DAB1: variants seen among roughly 807,000 people sequenced by gnomAD.
DAB1 encodes DAB adaptor protein 1, also known as disabled homolog 1.
DAB1 carries 15 observed loss-of-function variants against 64.6 expected under a neutral mutation model. The observed-to-expected ratio is 0.23, with a 90% CI of 0.16 to 0.36. DAB1 has a LOEUF of 0.36. Ranked by LOEUF, DAB1 falls within the 10% of genes least tolerant of loss-of-function variation. DAB1 has a pLI of 1.00. For missense variants in DAB1, 596 were observed against 706.7 expected (o/e 0.84, Z 1.78); for synonymous variants, 235 against 251.9 (o/e 0.93, Z 0.64).
At chr1:58,506,589 T>C (rs1423827809) in intron 2 of DAB1, among the ~76,000 whole-genome samples, 1 of 152,192 alleles carries the variant, frequency 6.6e-6, no homozygotes, top group Non-Finnish European at 1.5e-5. Context: ...ATAACCCTGC[T>C]AACCAAAGAT....
intron 4 of DAB1, among the ~76,000 whole-genome samples, chr1:57,118,822 T>C (rs1656378735): frequency 1.3e-5 from 2 of 152,226 alleles, no homozygotes; most frequent in Admixed American, 1.3e-4. Context: ...TTTTACACTA[T>C]AACTGTTTCC....
At chr1:57,258,328 G>A (rs927841892) in intron 2 of DAB1, among the ~76,000 whole-genome samples, 3 of 152,140 alleles carry the variant, frequency 2.0e-5, no homozygotes, top group East Asian at 1.9e-4. Context: ...TATGAACCCA[G>A]TAATTCCTGA....
chr1:57,923,481 C>A (rs889786360), intron 5 of DAB1, among the ~76,000 whole-genome samples: 3 of 152,132 alleles, frequency 2.0e-5, no homozygotes, highest in Non-Finnish European at 4.4e-5. Context: ...GGGTTGTAGT[C>A]CTGTATCTAT....
intron 5 of DAB1, among the ~76,000 whole-genome samples, chr1:58,142,390 T>A (rs994507252): frequency 7.9e-5 from 12 of 152,230 alleles, no homozygotes; most frequent in Non-Finnish European, 1.5e-5. Flanking sequence ...AATTCCATTT[T>A]TAATTTCTTT....
rs369866038 is a variant in DAB1, at chr1:57,367,108, TA to T, written c.-137+56821del. 7.3e-4 allele frequency among the ~76,000 whole-genome samples: 70 copies of T among 95,962 alleles called. 1 individual carries two copies. The highest frequency in any genetic ancestry group is 3.7e-3 in the African/African-American group (67 of 17,966). The allele number at this position is 95,962 out of a possible 152,430, so 63.0% of individuals were successfully genotyped here. Reference sequence around the variant, plus strand: ...TAAAATAAAATAAAATAAAATAAAATAAAATAAAATAAATAAATTAGCCAGG... The same window carrying T: ...TAAAATAAAATAAAATAAAATAAAATAAATAAAATAAATAAATTAGCCAGG... On this transcript the variant is annotated intron_variant, in intron 1 of 14. Coordinates refer to ENST00000371236, the MANE Select transcript of DAB1 (RefSeq NM_001365792.1).
chr1:57,678,202 C>T (rs1482746530), intron 6 of DAB1, among the ~76,000 whole-genome samples: 1 of 151,924 alleles, frequency 6.6e-6, no homozygotes, highest in African/African-American at 2.4e-5. Context: ...ATATGGGCAA[C>T]ATTTACTACC....
At chr1:57,378,083 G>A (rs2100960038) in intron 1 of DAB1, among the ~76,000 whole-genome samples, 1 of 152,310 alleles carries the variant, frequency 6.6e-6, no homozygotes, top group Non-Finnish European at 1.5e-5. Flanking sequence ...AGAGGCCAGA[G>A]GGCAGGGATG....
At chr1:58,489,844 T>G (rs182656100) in intron 3 of DAB1, among the ~76,000 whole-genome samples, 7,361 of 152,232 alleles carry the variant, frequency 0.048, 225 homozygotes, top group African/African-American at 0.064. Flanking sequence ...TCTGGAGTGG[T>G]CCTCCAGCAA....
chr1:58,086,595 G>T (rs112800005), intron 5 of DAB1, among the ~76,000 whole-genome samples: 35 of 152,016 alleles, frequency 2.3e-4, no homozygotes, highest in Non-Finnish European at 4.6e-4. Context: ...GAGCTTTTAA[G>T]ATTCTAACCC....
At chr1:57,981,089 G>A (rs1646055419) in intron 5 of DAB1, among the ~76,000 whole-genome samples, 1 of 151,962 alleles carries the variant, frequency 6.6e-6, no homozygotes, top group African/African-American at 2.4e-5. Flanking sequence ...GAGTCAGAGA[G>A]AACAAACCTA....
chr1:57,605,495 T>G (rs897593727), intron 7 of DAB1, among the ~76,000 whole-genome samples: 10 of 152,202 alleles, frequency 6.6e-5, no homozygotes, highest in Non-Finnish European at 1.0e-4. Context: ...ACAGCAGTGT[T>G]TCAAGGGTTG....
At chr1:57,714,595 C>A (rs191665409) in intron 6 of DAB1, among the ~76,000 whole-genome samples, 1 of 152,226 alleles carries the variant, frequency 6.6e-6, no homozygotes, top group African/African-American at 2.4e-5. Context: ...AAATGGAACA[C>A]CATATTTGTT....
intron 6 of DAB1, among the ~76,000 whole-genome samples, chr1:57,677,865 G>A (rs1646586223): frequency 6.6e-6 from 1 of 152,188 alleles, no homozygotes; most frequent in South Asian, 2.1e-4. Context: ...TCATAGTTGA[G>A]TAGAAGTAAA....
At chr1:58,201,539 G>A (rs1657994934) in intron 4 of DAB1, among the ~76,000 whole-genome samples, 1 of 152,190 alleles carries the variant, frequency 6.6e-6, no homozygotes, top group African/African-American at 2.4e-5. Context: ...GTTGACAAAT[G>A]TACACTTAAA....
chr1:58,261,214 A>G (rs1661040347), intron 4 of DAB1, among the ~76,000 whole-genome samples: 1 of 152,188 alleles, frequency 6.6e-6, no homozygotes, highest in African/African-American at 2.4e-5. Flanking sequence ...ACCCCAAATA[A>G]ATAGCATTTT....
At chr1:57,314,448 G>GGATT (rs113100857) in intron 1 of DAB1, among the ~76,000 whole-genome samples, 2,518 of 152,218 alleles carry the variant, frequency 0.017, 78 homozygotes, top group African/African-American at 0.057. Context: ...TTTCATCAGA[G>GGATT]GATTGGCAGG....
intron 6 of DAB1, among the ~76,000 whole-genome samples, chr1:57,728,509 G>T (rs1483587902): frequency 6.6e-6 from 1 of 151,938 alleles, no homozygotes; most frequent in Non-Finnish European, 1.5e-5. Flanking sequence ...CAGGAGAATG[G>T]CGTGAACCCG....
At chr1:57,465,096 G>A (rs1686911346) in intron 7 of DAB1, among the ~76,000 whole-genome samples, 1 of 152,154 alleles carries the variant, frequency 6.6e-6, no homozygotes, top group Middle Eastern at 3.2e-3. Context: ...ATACAGATAG[G>A]CTTCCTGTCC....
intron 5 of DAB1, among the ~76,000 whole-genome samples, chr1:57,890,456 C>CTTTTTTTTTTTTTT (rs71246207): frequency 1.0e-4 from 14 of 136,618 alleles, no homozygotes; most frequent in Non-Finnish European, 1.2e-4. Context: ...CTTTTCTTTT[C>CTTTTTTTTTTTTTT]TTTTTTTTTT....
Sources: gnomAD v4.1 joint callset for allele counts (sites outside exome capture counted in the v4.1 genomes callset) on GRCh38, gnomAD v4.1.1 for gene constraint, MANE v1.5 for transcripts, NCBI Gene and HGNC (gene_info 2026-07-23, HGNC 2026-07-21) for gene names.